Variants in ROBO1 observed in about 807,000 individuals in gnomAD.
The protein encoded by ROBO1 is roundabout guidance receptor 1, also known as roundabout homolog 1.
In ROBO1, 149 loss-of-function variants were observed where a neutral mutation model predicts 195.9. The observed-to-expected ratio is 0.76, with a 90% CI of 0.67 to 0.87. ROBO1 has a LOEUF of 0.87. Among genes scored for constraint, ROBO1 ranks in the 40% least tolerant of loss-of-function variants. The pLI is 0.00. For synonymous variants in ROBO1, 816 were observed against 733.2 expected, an observed-to-expected ratio of 1.11 and a Z score of -1.82; for missense variants, 1,933 against 2,068.3, an observed-to-expected ratio of 0.93 and a Z score of 1.27.
At chr3:79,198,818 C>T (rs1198653592) in intron 2 of ROBO1, among the ~76,000 whole-genome samples, 3 of 151,962 alleles carry the variant, frequency 2.0e-5, no homozygotes, top group Admixed American at 2.0e-4. Context: ...TGGGAGTTCA[C>T]TCATGATTTG....
intron 1 of ROBO1, among the ~76,000 whole-genome samples, chr3:79,650,815 C>T (rs1945982596): frequency 6.6e-6 from 1 of 151,676 alleles, no homozygotes; most frequent in African/African-American, 2.4e-5. Context: ...GCAACTGTAC[C>T]ATATAAAGGC....
intron 2 of ROBO1, among the ~76,000 whole-genome samples, chr3:79,410,656 G>A (rs890231037): frequency 6.6e-6 from 1 of 150,946 alleles, no homozygotes; most frequent in African/African-American, 2.4e-5. Context: ...GGTGGAGAGA[G>A]GGAGGGAAAG....
chr3:78,637,168 A>G (rs1705573228), intron 22 of ROBO1, among the ~76,000 whole-genome samples: 1 of 147,916 alleles, frequency 6.8e-6, no homozygotes, highest in African/African-American at 2.6e-5. Context: ...TTTAAAAATT[A>G]TAAATTAACA....
chr3:79,085,491 G>C (rs2079350922), intron 3 of ROBO1, among the ~76,000 whole-genome samples: 2 of 152,114 alleles, frequency 1.3e-5, no homozygotes, highest in East Asian at 1.9e-4. Flanking sequence ...AGGGCGGATA[G>C]GCAAGGTTAG....
At chr3:79,294,057 C>CAAAAAAAAAAAAAA (rs71631641) in intron 2 of ROBO1, among the ~76,000 whole-genome samples, 1 of 29,058 alleles carries the variant, frequency 3.4e-5, no homozygotes, top group Non-Finnish European at 6.7e-5. Context: ...GACTCCATCT[C>CAAAAAAAAAAAAAA]AAAAAAAAAA....
intron 3 of ROBO1, among the ~76,000 whole-genome samples, chr3:78,975,456 A>T (rs2107946458): frequency 6.6e-6 from 1 of 152,274 alleles, no homozygotes; most frequent in East Asian, 1.9e-4. Flanking sequence ...CAGTGGATAA[A>T]AAGAATGAGA....
rs1476068263 is a variant in ROBO1 at position 79,448,578 on chromosome 3, C to T, written c.88+141246G>A. On this transcript the variant is annotated intron_variant, in intron 2 of 30. Transcript: ENST00000464233. ...CCTATGATAGGGTAATCCCCGCACC[C>T]CACCTCACAACCCACATTTGTATTT... Among the ~76,000 whole-genome samples the T allele has an allele frequency of 6.6e-5, 10 of 152,276 alleles. No individual in the cohort carries two copies. In the East Asian group the frequency reaches 1.7e-3, roughly 26 times the overall value.
chr3:78,984,222 A>G (rs1428700914), intron 3 of ROBO1, among the ~76,000 whole-genome samples: 3 of 152,142 alleles, frequency 2.0e-5, no homozygotes, highest in Admixed American at 6.5e-5. Context: ...AATGACCATG[A>G]TAATTTTATA....
intron 2 of ROBO1, among the ~76,000 whole-genome samples, chr3:79,373,718 T>C (rs1161853607): frequency 6.6e-6 from 1 of 152,216 alleles, no homozygotes; most frequent in Non-Finnish European, 1.5e-5. Context: ...TGCAATTTAT[T>C]CTAGACCATG....
chr3:79,615,676 C>T (rs1161746094), intron 1 of ROBO1, among the ~76,000 whole-genome samples: 1 of 152,006 alleles, frequency 6.6e-6, no homozygotes, highest in African/African-American at 2.4e-5. Context: ...GCTATATTGG[C>T]CTAAAGATAA....
intron 1 of ROBO1, among the ~76,000 whole-genome samples, chr3:79,607,564 A>T (rs1204419634): frequency 6.7e-6 from 1 of 149,790 alleles, no homozygotes; most frequent in Non-Finnish European, 1.5e-5. Context: ...GCATTATAAT[A>T]TTATCTTCAA....
Position 79,140,183 on chromosome 3 carries a change from C to T in ROBO1, c.89-14644G>A, listed in dbSNP as rs145339065. On this transcript the variant is annotated intron_variant, in intron 2 of 30. Transcript: ENST00000464233. ...CATCGTAGTATATGTAAATTTATTG[C>T]CACTTCCCTTAAGTATGTTAATAAT... Among the ~76,000 whole-genome samples the T allele has an allele frequency of 4.4e-3, 673 of 152,180 alleles. 5 individuals are homozygous for T. The highest frequency in any genetic ancestry group is 0.016 in the African/African-American group (644 of 41,530).
At position 79,611,711 on chromosome 3, in the gene ROBO1, G is replaced by A. The variant is rs564721948; in HGVS notation, c.-50-21750C>T. ...ATGAGAACACATGGACACAGGGAGG[G>A]GAACATCACATACTGGGCCTTGTCA... On this transcript the variant is annotated intron_variant, in intron 1 of 30. Transcript: ENST00000464233. Among the ~76,000 whole-genome samples, 20 of 152,190 alleles carry A rather than the reference G, an allele frequency of 1.3e-4. No individual in the cohort carries two copies. In the East Asian group the frequency reaches 3.5e-3, roughly 27 times the overall value.
chr3:79,502,403 A>G (rs1212382097), intron 2 of ROBO1, among the ~76,000 whole-genome samples: 2 of 152,142 alleles, frequency 1.3e-5, no homozygotes, highest in Non-Finnish European at 2.9e-5. Flanking sequence ...CTGGGCCAGC[A>G]GCTGCTGTAC....
At chr3:79,484,499 A>G (rs1939042390) in intron 2 of ROBO1, among the ~76,000 whole-genome samples, 1 of 152,054 alleles carries the variant, frequency 6.6e-6, no homozygotes, top group Non-Finnish European at 1.5e-5. Flanking sequence ...AGGCATATAT[A>G]TATATGTGTG....
intron 2 of ROBO1, among the ~76,000 whole-genome samples, chr3:79,528,527 T>G (rs570739663): frequency 1.8e-4 from 27 of 152,330 alleles, no homozygotes; most frequent in African/African-American, 5.8e-4. Flanking sequence ...ATATTGCACA[T>G]TGAAACCCTT....
rs187901461 is a variant in ROBO1 at position 78,988,263 on chromosome 3, C to T, written c.173-49336G>A. Reference sequence around the variant, plus strand: ...GCGTTTTCATCACAATTAAACAGAGCTACGAACTAAAAGGCAATTTTTTAC... The same window carrying T: ...GCGTTTTCATCACAATTAAACAGAGTTACGAACTAAAAGGCAATTTTTTAC... On this transcript the variant is annotated intron_variant, in intron 3 of 30. Transcript: ENST00000464233. Among the ~76,000 whole-genome samples the T allele has an allele frequency of 1.3e-3, 205 of 152,184 alleles. 1 individual carries two copies. The Middle Eastern group carries it at 0.017, about 13-fold the overall frequency.
chr3:79,076,669 T>C (rs2079179254), intron 3 of ROBO1, among the ~76,000 whole-genome samples: 1 of 151,528 alleles, frequency 6.6e-6, no homozygotes, highest in African/African-American at 2.4e-5. Flanking sequence ...GATGGAAAAA[T>C]GAGAGTCAAA....
chr3:79,420,760 A>G (rs1325029811), intron 2 of ROBO1, among the ~76,000 whole-genome samples: 1 of 152,174 alleles, frequency 6.6e-6, no homozygotes, highest in African/African-American at 2.4e-5. Flanking sequence ...TTGCAGAGAA[A>G]AGGGAATGCT....
Sources: gnomAD v4.1 joint callset for allele counts (sites outside exome capture counted in the v4.1 genomes callset) on GRCh38, gnomAD v4.1.1 for gene constraint, MANE v1.5 for transcripts, NCBI Gene and HGNC (gene_info 2026-07-23, HGNC 2026-07-21) for gene names.